ZNF407: variants seen among roughly 807,000 people sequenced by gnomAD.
ZNF407 encodes the protein zinc finger protein 407.
A neutral mutation model predicts 131.2 loss-of-function variants in ZNF407; 17 were observed. The ratio of observed to expected loss-of-function variants is 0.13; its 90% CI spans 0.09 to 0.19. ZNF407 has a LOEUF of 0.19. ZNF407 is among the 10% of genes least tolerant of loss of function. The probability of loss-of-function intolerance (pLI) is 1.00; values close to 1 mark genes in which losing one functional copy is unlikely to be tolerated. For missense variants in ZNF407, 2,681 were observed against 2,830.6 expected (o/e 0.95, Z 1.20); for synonymous variants, 1,156 against 1,062.0 (o/e 1.09, Z -1.72).
Position 74,635,605 on chromosome 18 carries a change from G to A in ZNF407, c.4586G>A (p.Arg1529His), listed in dbSNP as rs754687836. 2.0e-5 allele frequency: 32 copies of A among 1,613,722 alleles called. No individual in the cohort carries two copies. The highest frequency in any genetic ancestry group is 2.7e-5 in the Non-Finnish European group (32 of 1,179,872). The stretch of plus-strand genomic sequence containing the variant: ...GTGGAAGACACTGAGCAAATCAACC[G>A]CGAGAGGGAGGAAAACCAGGGAAAC... Reference protein sequence around the residue: ...YIVEDTEQINREREENQGNVC... With the variant: ...YIVEDTEQINHEREENQGNVC... The change falls in exon 2 of 9, where the codon CGC (arginine) becomes CAC (histidine). Residue 1529 changes from arginine (R) to histidine (H), a missense_variant. Arg to His is a conservative substitution (Grantham distance 29, BLOSUM62 0). Coordinates refer to ENST00000299687, the MANE Select transcript of ZNF407 (RefSeq NM_017757.3). This position sits in a 1 kb window ranked among gnomAD's most constrained non-coding sequence, Gnocchi z 4.7.
intron 8 of ZNF407, among the ~76,000 whole-genome samples, chr18:74,945,824 C>A (rs941342885): frequency 1.3e-5 from 2 of 152,142 alleles, no homozygotes; most frequent in Non-Finnish European, 2.9e-5. Context: ...TCTTAAGGAA[C>A]GTTTCAAATG....
chr18:74,677,425 G>A (rs902285813), intron 3 of ZNF407, among the ~76,000 whole-genome samples: 4 of 152,126 alleles, frequency 2.6e-5, no homozygotes, highest in Admixed American at 6.5e-5. Flanking sequence ...TGAGGTATTT[G>A]TGATAGAATT....
chr18:74,970,638 G>T (rs572491575), intron 8 of ZNF407, among the ~76,000 whole-genome samples: 1 of 152,306 alleles, frequency 6.6e-6, no homozygotes, highest in East Asian at 1.9e-4. Context: ...CCATGGTCTT[G>T]GGCAGCTCTG....
chr18:74,729,896 A>G (rs533908210), intron 3 of ZNF407, among the ~76,000 whole-genome samples: 1 of 152,342 alleles, frequency 6.6e-6, no homozygotes, highest in South Asian at 2.1e-4. Context: ...AGGTAATTTG[A>G]TCATAGAATT....
At chr18:74,679,845 A>G (rs1966939298) in intron 3 of ZNF407, among the ~76,000 whole-genome samples, 1 of 152,186 alleles carries the variant, frequency 6.6e-6, no homozygotes, top group Admixed American at 6.5e-5. Flanking sequence ...TATAGATTGT[A>G]TGTTTCAGAT....
At chr18:74,657,114 T>C (rs1985496323) in intron 3 of ZNF407, among the ~76,000 whole-genome samples, 2 of 151,248 alleles carry the variant, frequency 1.3e-5, no homozygotes, top group South Asian at 4.2e-4. Context: ...TAAGTGTCTG[T>C]GTAGTCTTCC....
intron 8 of ZNF407, among the ~76,000 whole-genome samples, chr18:75,058,364 CT>C (rs1270900774): frequency 6.6e-6 from 1 of 152,164 alleles, no homozygotes; most frequent in African/African-American, 2.4e-5. Context: ...AGTAAAATAT[CT>C]TTGTGCTCAC....
intron 3 of ZNF407, among the ~76,000 whole-genome samples, chr18:74,769,388 A>C (rs1208996037): frequency 6.6e-6 from 1 of 151,346 alleles, no homozygotes; most frequent in Non-Finnish European, 1.5e-5. Context: ...AGCTCTAGGC[A>C]AAGGGTTCTT....
intron 3 of ZNF407, among the ~76,000 whole-genome samples, chr18:74,691,270 ACT>A (rs1967215930): frequency 6.6e-6 from 1 of 151,782 alleles, no homozygotes; most frequent in Non-Finnish European, 1.5e-5. Flanking sequence ...CAAGAGCAAA[ACT>A]CTGTCTCAAA....
intron 8 of ZNF407, among the ~76,000 whole-genome samples, chr18:75,021,761 C>G (rs1014631623): frequency 6.6e-6 from 1 of 151,688 alleles, no homozygotes; most frequent in Admixed American, 6.6e-5. Context: ...AAATTCTATA[C>G]GGAAATAAAA....
At chr18:74,860,854 G>A (rs1473224) in intron 4 of ZNF407, among the ~76,000 whole-genome samples, 128,865 of 152,106 alleles carry the variant, frequency 0.85, 54,766 homozygotes, top group Non-Finnish European at 0.87. Context: ...CATGGCAGCT[G>A]TAAAAATAGT....
chr18:74,751,719 G>A (rs573860110), intron 3 of ZNF407, among the ~76,000 whole-genome samples: 120 of 152,242 alleles, frequency 7.9e-4, no homozygotes, highest in Non-Finnish European at 1.3e-3. Context: ...TTTTATGGCC[G>A]CGTAGTATTC....
chr18:74,806,558 G>C (rs1970112717), intron 4 of ZNF407, among the ~76,000 whole-genome samples: 2 of 152,202 alleles, frequency 1.3e-5, no homozygotes, highest in Non-Finnish European at 1.5e-5. Context: ...GATGTGGACT[G>C]TTGTGAGGAT....
chr18:75,038,058 A>G (rs1973330346), intron 8 of ZNF407, among the ~76,000 whole-genome samples: 1 of 152,226 alleles, frequency 6.6e-6, no homozygotes, highest in African/African-American at 2.4e-5. Context: ...TCAAACTCAA[A>G]TCTTAACAGA....
At chr18:74,844,948 G>A (rs1408849843) in intron 4 of ZNF407, among the ~76,000 whole-genome samples, 1 of 152,178 alleles carries the variant, frequency 6.6e-6, no homozygotes, top group Non-Finnish European at 1.5e-5. Context: ...TGATTGAAAA[G>A]CAAGTTCTGA....
In ZNF407 at chr18:75,039,413, C is replaced by T. The variant is rs537385964; in HGVS notation, c.5429-23737C>T. On this transcript the variant is annotated intron_variant, in intron 8 of 8. Transcript: ENST00000299687. ...AAGGAAGACTGCTAGAATCATGGGA[C>T]GTGTCTCATCATTCTTACTGATGTG... Among the ~76,000 whole-genome samples, 16 of 152,270 alleles carry T rather than the reference C, an allele frequency of 1.1e-4. No individual in the cohort carries two copies. In the South Asian group the frequency reaches 2.7e-3, roughly 26 times the overall value.
At chr18:75,041,135 A>G (rs1221043983) in intron 8 of ZNF407, among the ~76,000 whole-genome samples, 1 of 152,210 alleles carries the variant, frequency 6.6e-6, no homozygotes, top group Non-Finnish European at 1.5e-5. Context: ...GGACGTAGAA[A>G]CTGAAGCTTA....
In ZNF407 at chr18:74,919,573, T is replaced by C. The variant is rs541347674; in HGVS notation, c.5250-941T>C. 1.5e-3 allele frequency among the ~76,000 whole-genome samples: 228 copies of C among 152,344 alleles called. 1 individual carries two copies. Among genetic ancestry groups the C allele is most frequent in the Non-Finnish European group, 2.4e-3 (164 of 68,032 alleles). On this transcript the variant is annotated intron_variant, in intron 7 of 8. Transcript: ENST00000299687. ...TTTCTTCTGGCATTTAATTTTGGTC[T>C]GTAGGAAGTCTGAGGCCAGCATGGT...
rs531763657 is a variant in ZNF407 at position 75,054,802 on chromosome 18, C to T, written c.5429-8348C>T. Among the ~76,000 whole-genome samples, 97 of 152,302 alleles carry T rather than the reference C, an allele frequency of 6.4e-4. 1 individual carries two copies. Among genetic ancestry groups the T allele is most frequent in the African/African-American group, 2.2e-3 (93 of 41,580 alleles). On this transcript the variant is annotated intron_variant, in intron 8 of 8. Coordinates refer to ENST00000299687, the MANE Select transcript of ZNF407 (RefSeq NM_017757.3). ...GGCAGCCTTACAGTAAGCAGGGGGG[C>T]GCTATTTGTCTGGTAGAGTTTGAAG...
Sources: allele counts gnomAD v4.1 joint callset (sites outside exome capture counted in the v4.1 genomes callset), GRCh38; gene constraint gnomAD v4.1.1; non-coding constraint Gnocchi (gnomAD v3.1); transcripts MANE v1.5; gene names NCBI Gene and HGNC (gene_info 2026-07-23, HGNC 2026-07-21).